The following NFIB variants were observed in gnomAD, a reference collection of about 807,000 sequenced individuals.
NFIB encodes the protein nuclear factor I B, also known as nuclear factor 1 B-type.
NFIB carries 11 observed loss-of-function variants against 61.5 expected under a neutral mutation model. That is an observed-to-expected ratio of 0.18 (90% CI 0.11 to 0.30). The LOEUF is 0.30. Among genes scored for constraint, NFIB ranks in the 10% least tolerant of loss-of-function variants. The probability of loss-of-function intolerance (pLI) is 1.00; values close to 1 mark genes in which losing one functional copy is unlikely to be tolerated. For missense variants in NFIB, 471 were observed against 608.9 expected (o/e 0.77, Z 2.38); for synonymous variants, 260 against 216.5 (o/e 1.20, Z -1.76).
intron 2 of NFIB, among the ~76,000 whole-genome samples, chr9:14,193,459 A>G (rs1436692299): frequency 6.6e-6 from 1 of 152,192 alleles, no homozygotes. Flanking sequence ...GTTTTCTTAA[A>G]TATGCACCAC....
chr9:14,185,699 G>C (rs191042780), intron 2 of NFIB, among the ~76,000 whole-genome samples: 1 of 152,114 alleles, frequency 6.6e-6, no homozygotes, highest in Non-Finnish European at 1.5e-5. Context: ...GAAAGACAAA[G>C]CATACCGCTC....
chr9:14,368,191 G>T (rs2061323522), intron 1 of NFIB, among the ~76,000 whole-genome samples: 1 of 151,946 alleles, frequency 6.6e-6, no homozygotes, highest in East Asian at 1.9e-4. Flanking sequence ...GAAACAAGTG[G>T]CTGGATGCTG....
rs2032060251 is a variant in NFIB, at chr9:14,082,230, A to C, written c.*6079T>G. ...TCCTTTTGTAAAAAAATTTAATTAA[A>C]ATACAAGGTTCTGTATTTATGGCCC... is the stretch of plus-strand genomic sequence containing the variant. On this transcript the variant is annotated 3_prime_UTR_variant, in exon 11 of 11. Coordinates refer to ENST00000380953, the MANE Select transcript of NFIB (RefSeq NM_001190737.2). 1 of 204,240 alleles carries C rather than the reference A, an allele frequency of 4.9e-6. No individual in the cohort carries two copies. Among genetic ancestry groups the C allele is most frequent in the African/African-American group, 2.3e-5 (1 of 43,678 alleles). The allele number at this position is 204,240 out of a possible 1,614,324, so 12.7% of individuals were successfully genotyped here.
At chr9:14,439,912 T>C in the NFIB span, among the ~76,000 whole-genome samples, 1 of 152,160 alleles carries the variant, frequency 6.6e-6, no homozygotes, top group African/African-American at 2.4e-5. Flanking sequence ...AACCAATATC[T>C]CAGTCAATTT....
At chr9:14,420,071 T>C in the NFIB span, among the ~76,000 whole-genome samples, 12 of 152,124 alleles carry the variant, frequency 7.9e-5, no homozygotes, top group Non-Finnish European at 5.9e-5. Context: ...AGGGTTAAGA[T>C]GAACAAGTAT....
intron 3 of NFIB, among the ~76,000 whole-genome samples, chr9:14,178,785 G>A (rs2046434992): frequency 6.6e-6 from 1 of 152,036 alleles, no homozygotes; most frequent in South Asian, 2.1e-4. Context: ...CCTCATATTA[G>A]CTAAGCACGA....
rs866718202 is a variant in NFIB at position 14,397,845 on chromosome 9, G to T, written c.108+679C>A. Among the ~76,000 whole-genome samples the T allele has an allele frequency of 3.9e-5, 6 of 152,276 alleles. No homozygotes were observed. The Middle Eastern group carries it at 0.01, about 261-fold the overall frequency. On this transcript the variant is annotated intron_variant, in intron 1 of 8. Coordinates refer to the NFIB transcript ENST00000380934. ...TACAGAGAAGATATAATGGGTACGT[G>T]CTGCTTTTCAGAGAACCAAGATAAA... is the stretch of plus-strand genomic sequence containing the variant.
intron 10 of NFIB, among the ~76,000 whole-genome samples, chr9:14,099,806 C>T (rs1248270234): frequency 6.6e-6 from 1 of 152,218 alleles, no homozygotes; most frequent in African/African-American, 2.4e-5. Context: ...GGCATGGTGG[C>T]TCATGCCTGT....
chr9:14,197,576 T>G (rs1587519589), intron 2 of NFIB, among the ~76,000 whole-genome samples: 3 of 152,310 alleles, frequency 2.0e-5, no homozygotes, highest in South Asian at 2.1e-4. Flanking sequence ...TATAAAAGAC[T>G]GTGGAGTTCA....
the NFIB span, among the ~76,000 whole-genome samples, chr9:14,455,773 G>T: frequency 6.6e-6 from 1 of 151,998 alleles, no homozygotes; most frequent in African/African-American, 2.4e-5. Context: ...TTCGTTTTTA[G>T]GGAACTAGAC....
intron 2 of NFIB, among the ~76,000 whole-genome samples, chr9:14,244,553 G>C (rs2054691073): frequency 1.3e-5 from 2 of 152,204 alleles, no homozygotes; most frequent in South Asian, 4.1e-4. Context: ...AATCTCCATA[G>C]ACAGATCCCC....
intron 10 of NFIB, among the ~76,000 whole-genome samples, chr9:14,110,520 T>C (rs2037204790): frequency 6.6e-6 from 1 of 152,078 alleles, no homozygotes. Flanking sequence ...ACCCCTTGAT[T>C]TTCCTTTTCA....
rs57545740 is a variant in NFIB, at chr9:14,254,298, CAAAA to C, written c.562+52687_562+52690del. ...CCTGGGCAACAGAGTGACACTGTCT[CAAAA>C]AAAACAAAACAAAACAAAACAAAAC... On this transcript the variant is annotated intron_variant, in intron 2 of 10. Transcript: ENST00000380953. 8.3e-3 allele frequency among the ~76,000 whole-genome samples: 1,248 copies of C among 150,764 alleles called. 18 individuals carry two copies. Among genetic ancestry groups the C allele is most frequent in the African/African-American group, 0.029 (1,174 of 40,648 alleles).
the NFIB span, among the ~76,000 whole-genome samples, chr9:14,512,933 GAAAAAA>G: frequency 7.8e-6 from 1 of 128,688 alleles, no homozygotes; most frequent in African/African-American, 3.0e-5. Context: ...CAAAGCTTTT[GAAAAAA>G]AAAAAAAAAA....
chr9:14,239,756 C>A (rs930120452), intron 2 of NFIB, among the ~76,000 whole-genome samples: 35 of 152,156 alleles, frequency 2.3e-4, no homozygotes, highest in African/African-American at 8.2e-4. Flanking sequence ...ACAAAAAGTA[C>A]AAATTATTTT....
intron 2 of NFIB, among the ~76,000 whole-genome samples, chr9:14,301,022 G>A (rs766284084): frequency 2.6e-5 from 4 of 152,258 alleles, no homozygotes; most frequent in African/African-American, 9.6e-5. Context: ...CAAATTTAGG[G>A]AAAAACAAGT....
chr9:14,361,984 G>A (rs2061246644), intron 1 of NFIB: 1 of 152,140 alleles, frequency 6.6e-6, no homozygotes, highest in Non-Finnish European at 1.5e-5. Context: ...AACACAAAAG[G>A]TGAAATACAA....
chr9:14,528,747 A>G, the NFIB span, among the ~76,000 whole-genome samples: 1 of 152,158 alleles, frequency 6.6e-6, no homozygotes, highest in Non-Finnish European at 1.5e-5. Flanking sequence ...AGTCTCACAG[A>G]GAGCTTTAAA....
chr9:14,091,604 A>G (rs1408923417), intron 10 of NFIB, among the ~76,000 whole-genome samples: 2 of 152,064 alleles, frequency 1.3e-5, no homozygotes, highest in Non-Finnish European at 2.9e-5. Flanking sequence ...CAAAATATTC[A>G]AGCTCAAATT....
Sources: gnomAD v4.1 joint callset for allele counts (sites outside exome capture counted in the v4.1 genomes callset) on GRCh38, gnomAD v4.1.1 for gene constraint, MANE v1.5 for transcripts, NCBI Gene and HGNC (gene_info 2026-07-23, HGNC 2026-07-21) for gene names.